FYN: variants seen among roughly 807,000 people sequenced by gnomAD.
FYN encodes tyrosine-protein kinase Fyn.
In FYN, 10 loss-of-function variants were observed where a neutral mutation model predicts 70.2. The observed-to-expected ratio is 0.14, with a 90% CI of 0.09 to 0.24. FYN has a LOEUF of 0.24. Ranked by LOEUF, FYN falls within the 10% of genes least tolerant of loss-of-function variation. FYN has a pLI of 1.00. For synonymous variants in FYN, 236 were observed against 248.6 expected (o/e 0.95, Z 0.48); for missense variants, 319 against 673.1 (o/e 0.47, Z 5.82).
intron 2 of FYN, among the ~76,000 whole-genome samples, chr6:111,808,013 T>A (rs1583461386): frequency 6.6e-6 from 1 of 151,858 alleles, no homozygotes; most frequent in Non-Finnish European, 1.5e-5. Flanking sequence ...GAGGCTGAGG[T>A]AGGAGAATTG....
At chr6:111,809,431 G>A (rs993922431) in intron 2 of FYN, among the ~76,000 whole-genome samples, 2 of 152,202 alleles carry the variant, frequency 1.3e-5, no homozygotes, top group East Asian at 1.9e-4. Flanking sequence ...GAATAAGCAC[G>A]AGTCTCTTGA....
At chr6:111,844,085 C>A (rs1298314459) in intron 2 of FYN, among the ~76,000 whole-genome samples, 1 of 152,170 alleles carries the variant, frequency 6.6e-6, no homozygotes, top group Non-Finnish European at 1.5e-5. Context: ...ATAACTACAG[C>A]ACCTTGAGCC....
intron 2 of FYN, among the ~76,000 whole-genome samples, chr6:111,809,592 T>C (rs1772259143): frequency 6.6e-6 from 1 of 152,180 alleles, no homozygotes; most frequent in Non-Finnish European, 1.5e-5. Context: ...CCAATATTTT[T>C]CAGGCACCAA....
intron 1 of FYN, among the ~76,000 whole-genome samples, chr6:111,871,494 A>C (rs1461088897): frequency 6.6e-6 from 1 of 152,172 alleles, no homozygotes; most frequent in African/African-American, 2.4e-5. Context: ...CCAAATGCTA[A>C]CTCTAGACCG....
intron 5 of FYN, among the ~76,000 whole-genome samples, chr6:111,711,380 GT>G (rs756679189): frequency 1.3e-5 from 2 of 152,172 alleles, no homozygotes; most frequent in Non-Finnish European, 2.9e-5. Flanking sequence ...TAAACGACTA[GT>G]CTTGAAATGT....
chr6:111,782,941 T>C (rs866391058), intron 2 of FYN, among the ~76,000 whole-genome samples: 1 of 152,320 alleles, frequency 6.6e-6, no homozygotes, highest in Middle Eastern at 3.4e-3. Context: ...TCCTGGGTGA[T>C]GTTGTCTTTG....
At chr6:111,831,298 T>C (rs1562537381) in intron 2 of FYN, among the ~76,000 whole-genome samples, 2 of 152,206 alleles carry the variant, frequency 1.3e-5, no homozygotes, top group Non-Finnish European at 2.9e-5. Context: ...ACTGTTACTA[T>C]TCTATCATCT....
At chr6:111,673,149 C>T (rs192534444) in intron 13 of FYN, among the ~76,000 whole-genome samples, 111 of 152,308 alleles carry the variant, frequency 7.3e-4, no homozygotes, top group Middle Eastern at 3.4e-3. Context: ...CATCCTCGCC[C>T]TCCTGAGACC....
At chr6:111,663,054 ACCT>A (rs1190707034) in intron 13 of FYN, among the ~76,000 whole-genome samples, 1 of 152,066 alleles carries the variant, frequency 6.6e-6, no homozygotes, top group Non-Finnish European at 1.5e-5. Flanking sequence ...CAGTGTCCTG[ACCT>A]CCTCCCAACT....
chr6:111,803,685 A>T (rs1772059248), intron 2 of FYN, among the ~76,000 whole-genome samples: 1 of 152,116 alleles, frequency 6.6e-6, no homozygotes, highest in East Asian at 1.9e-4. Flanking sequence ...GTTAACACAG[A>T]AACTTGAATA....
At position 111,801,211 on chromosome 6, in the gene FYN, C is replaced by T. The variant is rs960133480; in HGVS notation, c.-81-20576G>A. 3.9e-5 allele frequency among the ~76,000 whole-genome samples: 6 copies of T among 152,344 alleles called. No homozygotes were observed. The South Asian group carries it at 8.3e-4, about 21-fold the overall frequency. On this transcript the variant is annotated intron_variant, in intron 2 of 13. Transcript: ENST00000354650. ...CAAGCAACGCTCAAACCACTGGCAA[C>T]AACAGGGTAGTATCTTGATCTTCTG...
At chr6:111,743,278 A>G (rs1802063892) in intron 3 of FYN, among the ~76,000 whole-genome samples, 2 of 152,230 alleles carry the variant, frequency 1.3e-5, no homozygotes, top group South Asian at 2.1e-4. Context: ...AATCTTTTAC[A>G]TCGTAGTTTT....
intron 4 of FYN, among the ~76,000 whole-genome samples, chr6:111,715,058 C>G (rs2128457954): frequency 6.6e-6 from 1 of 152,190 alleles, no homozygotes; most frequent in East Asian, 1.9e-4. Flanking sequence ...CCCTTGTCCT[C>G]CCCCTACCTT....
At chr6:111,813,517 T>C (rs1316969706) in intron 2 of FYN, among the ~76,000 whole-genome samples, 1 of 152,262 alleles carries the variant, frequency 6.6e-6, no homozygotes, top group Non-Finnish European at 1.5e-5. Flanking sequence ...ATACTTTTTA[T>C]GGCCTTCAAC....
At chr6:111,810,878 C>CT (rs767779775) in intron 2 of FYN, among the ~76,000 whole-genome samples, 2 of 152,220 alleles carry the variant, frequency 1.3e-5, no homozygotes, top group African/African-American at 2.4e-5. Flanking sequence ...GCAGTCTTCA[C>CT]TTTGGAGTTA....
At chr6:111,676,477 T>A (rs1798535635) in intron 12 of FYN, 1 of 152,226 alleles carries the variant, frequency 6.6e-6, no homozygotes, top group East Asian at 1.9e-4. Context: ...GTTTTGTTTT[T>A]AAGGTTTCTT....
In FYN at chr6:111,696,257, C is replaced by A; in HGVS notation, c.1042+20G>T. 6.3e-7 allele frequency: 1 copy of A among 1,589,354 alleles called. No individual in the cohort carries two copies. Among genetic ancestry groups the A allele is most frequent in the East Asian group, 2.3e-5 (1 of 43,762 alleles). On this transcript the variant is annotated intron_variant, in intron 10 of 13. Coordinates refer to ENST00000354650, the MANE Select transcript of FYN (RefSeq NM_002037.5). ...CCCTTAAGGCACTGTGAGCTGGAGACAGGAGAGGTGTTGCCCAACCTTTGT... is the reference window on the plus strand; with the variant it reads ...CCCTTAAGGCACTGTGAGCTGGAGAAAGGAGAGGTGTTGCCCAACCTTTGT...
At chr6:111,817,419 T>C (rs1430595800) in intron 2 of FYN, among the ~76,000 whole-genome samples, 5 of 152,212 alleles carry the variant, frequency 3.3e-5, no homozygotes, top group Admixed American at 3.3e-4. Flanking sequence ...CTCTTTTCTG[T>C]AAGTTACTCC....
At chr6:111,667,248 A>G (rs1273569581) in intron 13 of FYN, among the ~76,000 whole-genome samples, 1 of 151,708 alleles carries the variant, frequency 6.6e-6, no homozygotes, top group South Asian at 2.1e-4. Context: ...TTGAAAAAAA[A>G]TTTTTTAAGG....
Sources: gnomAD v4.1 joint callset for allele counts (sites outside exome capture counted in the v4.1 genomes callset) on GRCh38, gnomAD v4.1.1 for gene constraint, MANE v1.5 for transcripts, NCBI Gene and HGNC (gene_info 2026-07-23, HGNC 2026-07-21) for gene names.